Variants in MEIS2 observed in about 807,000 individuals in gnomAD.
MEIS2 encodes homeobox protein Meis2.
In MEIS2, 9 loss-of-function variants were observed where a neutral mutation model predicts 58.6. The observed-to-expected ratio is 0.15, with a 90% CI of 0.09 to 0.27. The LOEUF (loss-of-function observed/expected upper bound fraction) is 0.27. MEIS2 is among the 10% of genes least tolerant of loss of function. The probability of loss-of-function intolerance (pLI) is 1.00; values close to 1 mark genes in which losing one functional copy is unlikely to be tolerated. For missense variants in MEIS2, 427 were observed against 635.0 expected, an observed-to-expected ratio of 0.67 and a Z score of 3.52; for synonymous variants, 221 against 228.4, an observed-to-expected ratio of 0.97 and a Z score of 0.29.
At chr15:36,990,423 T>G (rs1358316329) in intron 8 of MEIS2, among the ~76,000 whole-genome samples, 1 of 152,236 alleles carries the variant, frequency 6.6e-6, no homozygotes, top group African/African-American at 2.4e-5. Context: ...TTTGTTACTA[T>G]TAAAATAAAT....
In MEIS2 at chr15:37,098,119, C is replaced by T; in HGVS notation, c.93G>A (p.Arg31=). 1.2e-6 allele frequency: 2 copies of T among 1,613,470 alleles called. No homozygotes were observed. Among genetic ancestry groups the T allele is most frequent in the Non-Finnish European group, 1.7e-6 (2 of 1,179,856 alleles). Residue 31 remains arginine, a synonymous_variant, in exon 2 of 12, where the codon CGG becomes CGA. Coordinates refer to ENST00000561208, the MANE Select transcript of MEIS2 (RefSeq NM_170675.5). ...ASMYGDPHAP[R]PIPPVHHLNH... The stretch of plus-strand genomic sequence containing the variant: ...TCAGGTGGTGAACCGGGGGGATCGG[C>T]CGCGGCGCGTGAGGGTCTCCGTACA...
intron 7 of MEIS2, chr15:37,050,716 C>T (rs1229343822): frequency 2.0e-5 from 3 of 152,206 alleles, no homozygotes; most frequent in African/African-American, 7.2e-5. Flanking sequence ...CTCACATAAA[C>T]ACAGAAGCAC....
intron 8 of MEIS2, among the ~76,000 whole-genome samples, chr15:37,026,711 AT>A (rs1203135537): frequency 1.3e-5 from 2 of 152,174 alleles, no homozygotes; most frequent in Non-Finnish European, 1.5e-5. Flanking sequence ...AGATAATAAT[AT>A]TCTCTTCATT....
Position 36,915,241 on chromosome 15 carries a change from G to C in MEIS2, c.978-18555C>G, listed in dbSNP as rs143359167. ...TTGTGTTTACTTGTCCTGTTATTAA[G>C]ATTTTTATTTTTTTCTCCTGAATGT... On this transcript the variant is annotated intron_variant, in intron 9 of 11. Transcript: ENST00000561208. Among the ~76,000 whole-genome samples, 905 of 151,234 alleles carry C rather than the reference G, an allele frequency of 6.0e-3. 14 individuals are homozygous for C. Among genetic ancestry groups the C allele is most frequent in the African/African-American group, 0.021 (853 of 41,224 alleles).
intron 8 of MEIS2, among the ~76,000 whole-genome samples, chr15:37,001,747 T>C (rs753144706): frequency 4.6e-5 from 7 of 152,214 alleles, no homozygotes; most frequent in African/African-American, 1.7e-4. Context: ...ATTTATTTAA[T>C]ATTTTAAATT....
chr15:37,020,625 G>T (rs1360078634), intron 8 of MEIS2, among the ~76,000 whole-genome samples: 1 of 150,694 alleles, frequency 6.6e-6, no homozygotes, highest in African/African-American at 2.4e-5. Flanking sequence ...TAGTGCCTGG[G>T]TCTAGCAAAG....
At chr15:37,090,480 A>G (rs983392915) in intron 6 of MEIS2, among the ~76,000 whole-genome samples, 2 of 152,186 alleles carry the variant, frequency 1.3e-5, no homozygotes, top group Non-Finnish European at 2.9e-5. Context: ...AATAATATAT[A>G]AAACTTATTC....
intron 9 of MEIS2, among the ~76,000 whole-genome samples, chr15:36,947,149 A>G (rs1256524351): frequency 6.6e-6 from 1 of 151,978 alleles, no homozygotes; most frequent in Non-Finnish European, 1.5e-5. Flanking sequence ...GAAAGTCTTA[A>G]TTAGGTGATT....
At chr15:36,987,473 C>T (rs557769851) in intron 8 of MEIS2, among the ~76,000 whole-genome samples, 4 of 151,164 alleles carry the variant, frequency 2.6e-5, no homozygotes, top group Admixed American at 6.6e-5. Context: ...AGAAATTTTA[C>T]CTGCAGCAAG....
chr15:36,935,738 C>A (rs1353255042), intron 9 of MEIS2, among the ~76,000 whole-genome samples: 1 of 151,778 alleles, frequency 6.6e-6, no homozygotes, highest in Non-Finnish European at 1.5e-5. Context: ...ATCTGTTTGA[C>A]TATGGCTTTA....
chr15:37,050,868 A>G (rs1289120644), intron 7 of MEIS2: 1 of 151,836 alleles, frequency 6.6e-6, no homozygotes, highest in Admixed American at 6.5e-5. Context: ...TGAAGAAGAA[A>G]TGAAGAAACC....
intron 6 of MEIS2, among the ~76,000 whole-genome samples, chr15:37,087,438 G>A (rs568786630): frequency 1.3e-5 from 2 of 152,144 alleles, no homozygotes; most frequent in Non-Finnish European, 2.9e-5. Flanking sequence ...ACTCACAGCT[G>A]ATAATGCAAG....
chr15:37,078,327 T>G (rs543395578), intron 7 of MEIS2, among the ~76,000 whole-genome samples: 7 of 151,680 alleles, frequency 4.6e-5, no homozygotes, highest in Admixed American at 4.6e-4. Context: ...AAAGAAAAAT[T>G]CTCCACTGTC....
intron 8 of MEIS2, among the ~76,000 whole-genome samples, chr15:37,024,159 A>G (rs2061623642): frequency 6.6e-6 from 1 of 151,832 alleles, no homozygotes; most frequent in East Asian, 1.9e-4. Context: ...CGGCCTCCCA[A>G]AGTGCTGGGA....
At chr15:37,020,749 TG>T (rs1167267070) in intron 8 of MEIS2, among the ~76,000 whole-genome samples, 2 of 151,364 alleles carry the variant, frequency 1.3e-5, no homozygotes, top group African/African-American at 2.4e-5. Context: ...GGCTGTGTTA[TG>T]GGGGAAAAAA....
chr15:37,034,151 A>G (rs896564407), intron 8 of MEIS2, among the ~76,000 whole-genome samples: 1 of 152,176 alleles, frequency 6.6e-6, no homozygotes, highest in Non-Finnish European at 1.5e-5. Context: ...AGAATGACCC[A>G]TGAGGCTGGG....
intron 9 of MEIS2, 193 bp from the exon 10 acceptor site, chr15:36,896,879 A>G (rs2056205739): frequency 1.8e-6 from 1 of 541,420 alleles, no homozygotes; most frequent in East Asian, 2.9e-5. Context: ...TGCGTAGTCA[A>G]CTCCAAAACA....
In MEIS2 at chr15:37,040,792, G is replaced by T. The variant is rs563415560; in HGVS notation, c.755-3833C>A. 1.4e-3 allele frequency among the ~76,000 whole-genome samples: 214 copies of T among 152,314 alleles called. 1 individual carries two copies. The highest frequency in any genetic ancestry group is 2.1e-3 in the Non-Finnish European group (145 of 68,032). On this transcript the variant is annotated intron_variant, in intron 7 of 11. Coordinates refer to ENST00000561208, the MANE Select transcript of MEIS2 (RefSeq NM_170675.5). Reference sequence around the variant, plus strand: ...CAGATAAATCGGAAGTGGATTAAATGATCAGAGGAGATTGTTAAAAACACA... The same window carrying T: ...CAGATAAATCGGAAGTGGATTAAATTATCAGAGGAGATTGTTAAAAACACA...
chr15:37,020,780 C>A (rs1459961822), intron 8 of MEIS2, among the ~76,000 whole-genome samples: 1 of 151,186 alleles, frequency 6.6e-6, no homozygotes, highest in Non-Finnish European at 1.5e-5. Context: ...AACCTTTGAA[C>A]TTTTCCATAC....
Sources: gnomAD v4.1 joint callset for allele counts (sites outside exome capture counted in the v4.1 genomes callset) on GRCh38, gnomAD v4.1.1 for gene constraint, MANE v1.5 for transcripts, NCBI Gene and HGNC (gene_info 2026-07-23, HGNC 2026-07-21) for gene names.